RORA: variants seen among roughly 807,000 people sequenced by gnomAD.
RORA encodes RAR related orphan receptor A, also known as nuclear receptor ROR-alpha.
Under a neutral mutation model 69.5 loss-of-function variants are expected in RORA, and 7 were observed. That is an observed-to-expected ratio of 0.10 (90% CI 0.06 to 0.19). The LOEUF (loss-of-function observed/expected upper bound fraction) is 0.19, where lower values mean the gene tolerates loss of function less well. RORA is among the 10% of genes least tolerant of loss of function. RORA has a pLI of 1.00. For synonymous variants in RORA, 261 were observed against 240.8 expected (o/e 1.08, Z -0.78); for missense variants, 457 against 663.0 (o/e 0.69, Z 3.41).
intron 1 of RORA, among the ~76,000 whole-genome samples, chr15:60,824,505 T>A (rs2072932859): frequency 6.6e-6 from 1 of 151,878 alleles, no homozygotes; most frequent in Non-Finnish European, 1.5e-5. Context: ...AGTAATAAAA[T>A]CCATGTTTCA....
At chr15:60,858,215 T>C (rs1220530159) in intron 1 of RORA, among the ~76,000 whole-genome samples, 1 of 152,204 alleles carries the variant, frequency 6.6e-6, no homozygotes, top group Non-Finnish European at 1.5e-5. Flanking sequence ...TCTCAGTTCT[T>C]GTACTTATGA....
At chr15:60,725,111 T>G (rs2071340467) in intron 1 of RORA, among the ~76,000 whole-genome samples, 1 of 152,222 alleles carries the variant, frequency 6.6e-6, no homozygotes, top group Non-Finnish European at 1.5e-5. Context: ...TTGACTTAAT[T>G]TCAATCTAGT....
At chr15:60,739,530 C>T (rs1469690804) in intron 1 of RORA, among the ~76,000 whole-genome samples, 2 of 151,866 alleles carry the variant, frequency 1.3e-5, no homozygotes, top group African/African-American at 4.8e-5. Context: ...CTGATCGCAC[C>T]ACTGCACTCC....
chr15:60,678,073 T>C (rs1321616234), intron 2 of RORA, among the ~76,000 whole-genome samples: 1 of 152,156 alleles, frequency 6.6e-6, no homozygotes, highest in East Asian at 1.9e-4. Context: ...ATGAAGGCAA[T>C]TGATGAAAGC....
intron 1 of RORA, among the ~76,000 whole-genome samples, chr15:60,760,297 G>A (rs1045028919): frequency 2.6e-5 from 4 of 152,140 alleles, no homozygotes; most frequent in South Asian, 2.1e-4. Flanking sequence ...CACATGAAGC[G>A]TATTTGCTAA....
intron 3 of RORA, among the ~76,000 whole-genome samples, chr15:60,517,398 C>T (rs951578906): frequency 6.6e-6 from 1 of 151,988 alleles, no homozygotes; most frequent in Non-Finnish European, 1.5e-5. Flanking sequence ...TAACTCTACC[C>T]TTGATCAAGT....
intron 1 of RORA, among the ~76,000 whole-genome samples, chr15:61,062,594 G>C (rs144399431): frequency 1.8e-4 from 28 of 152,328 alleles, no homozygotes; most frequent in African/African-American, 6.7e-4. Context: ...AGCATAGCAT[G>C]TCTGTGACCC....
intron 1 of RORA, among the ~76,000 whole-genome samples, chr15:61,191,111 GA>G (rs1345636424): frequency 1.3e-5 from 2 of 152,152 alleles, no homozygotes; most frequent in Non-Finnish European, 2.9e-5. Context: ...CTTTAAAACA[GA>G]AGAGATTTGT....
chr15:61,142,731 A>G (rs915717927), intron 1 of RORA, among the ~76,000 whole-genome samples: 2 of 152,202 alleles, frequency 1.3e-5, no homozygotes, highest in African/African-American at 4.8e-5. Flanking sequence ...GTCATTCATA[A>G]TATCAATACA....
chr15:61,212,411 A>AT (rs1361935845), intron 1 of RORA, among the ~76,000 whole-genome samples: 2 of 152,016 alleles, frequency 1.3e-5, no homozygotes, highest in Admixed American at 6.6e-5. Context: ...TTACTTATTT[A>AT]TTTTTTGGGA....
chr15:60,848,041 C>G (rs1028652328), intron 1 of RORA: 1 of 152,456 alleles, frequency 6.6e-6, no homozygotes, highest in East Asian at 1.9e-4. Flanking sequence ...CCTGCCTCCC[C>G]CTCCAGCCCC....
At chr15:60,585,011 G>A (rs187068430) in intron 2 of RORA, among the ~76,000 whole-genome samples, 114 of 151,968 alleles carry the variant, frequency 7.5e-4, no homozygotes, top group African/African-American at 2.6e-3. Flanking sequence ...ATAGGAACAC[G>A]TAAGCACTAT....
At chr15:60,605,367 CTGAAATGCTTTCT>C in intron 2 of RORA, among the ~76,000 whole-genome samples, 1 of 152,202 alleles carries the variant, frequency 6.6e-6, no homozygotes, top group East Asian at 1.9e-4. Flanking sequence ...ATGATTCTGT[CTGAAATGCTTTCT>C]TACCAAAACC....
intron 2 of RORA, among the ~76,000 whole-genome samples, chr15:60,622,007 CGT>C (rs1420587429): frequency 4.6e-5 from 7 of 151,920 alleles, no homozygotes; most frequent in Admixed American, 2.0e-4. Flanking sequence ...AAGGTTGCAC[CGT>C]TGCACTCCAG....
At chr15:60,737,717 G>T (rs2071521698) in intron 1 of RORA, among the ~76,000 whole-genome samples, 1 of 152,236 alleles carries the variant, frequency 6.6e-6, no homozygotes, top group Admixed American at 6.5e-5. Context: ...GTTAGGAAGA[G>T]ATATCCCCTG....
chr15:60,783,061 A>G (rs1182829604), intron 1 of RORA, among the ~76,000 whole-genome samples: 1 of 152,232 alleles, frequency 6.6e-6, no homozygotes, highest in Non-Finnish European at 1.5e-5. Flanking sequence ...AATCACAGAC[A>G]TACACACAAA....
chr15:60,549,715 A>G (rs1296978969), intron 2 of RORA, among the ~76,000 whole-genome samples: 1 of 152,188 alleles, frequency 6.6e-6, no homozygotes, highest in Non-Finnish European at 1.5e-5. Flanking sequence ...TTCAAATTAT[A>G]AATTCAAACT....
chr15:60,515,993 A>ATATATATT (rs1567051203), intron 3 of RORA, among the ~76,000 whole-genome samples: 3 of 6,196 alleles, frequency 4.8e-4, no homozygotes, highest in African/African-American at 1.2e-3. Context: ...ATATATATTT[A>ATATATATT]TATATATTTA....
At chr15:60,677,049 C>A in intron 2 of RORA, 1 of 375,424 alleles carries the variant, frequency 2.7e-6, no homozygotes, top group Admixed American at 2.9e-5. Flanking sequence ...GCCAGGTGGC[C>A]AGGAGTCCAT....
Sources: allele counts gnomAD v4.1 joint callset (sites outside exome capture counted in the v4.1 genomes callset), GRCh38; gene constraint gnomAD v4.1.1; transcripts MANE v1.5; gene names NCBI Gene and HGNC (gene_info 2026-07-23, HGNC 2026-07-21).